Variants in CORIN observed in about 807,000 individuals in gnomAD.
The protein encoded by CORIN is atrial natriuretic peptide-converting enzyme.
Under a neutral mutation model 125.3 loss-of-function variants are expected in CORIN, and 117 were observed. The ratio of observed to expected loss-of-function variants is 0.93; its 90% CI spans 0.80 to 1.09. The LOEUF is 1.09. CORIN is among the 50% of genes least tolerant of loss of function. The pLI, the probability that CORIN is intolerant of heterozygous loss-of-function variation, is 0.00. For missense variants in CORIN, 1,253 were observed against 1,306.7 expected, an observed-to-expected ratio of 0.96 and a Z score of 0.63; for synonymous variants, 450 against 466.4, an observed-to-expected ratio of 0.96 and a Z score of 0.45.
intron 2 of CORIN, among the ~76,000 whole-genome samples, chr4:47,797,219 T>C (rs1332269849): frequency 6.7e-6 from 1 of 148,234 alleles, no homozygotes; most frequent in African/African-American, 2.4e-5. Context: ...ATATATAATA[T>C]AATATATAAT....
chr4:47,789,863 AC>A (rs1299988267), intron 2 of CORIN, among the ~76,000 whole-genome samples: 12 of 152,190 alleles, frequency 7.9e-5, no homozygotes, highest in Admixed American at 7.9e-4. Context: ...TACTAAAAAT[AC>A]AAAAAAAATT....
chr4:47,836,900 T>C (rs1432743817), intron 1 of CORIN, among the ~76,000 whole-genome samples: 1 of 152,196 alleles, frequency 6.6e-6, no homozygotes. Context: ...TGCCTGCAGC[T>C]AGCGTCACCG....
At chr4:47,813,372 C>T (rs1334702365) in intron 1 of CORIN, among the ~76,000 whole-genome samples, 1 of 152,140 alleles carries the variant, frequency 6.6e-6, no homozygotes. Context: ...AATTTAAAAA[C>T]AAACAAAACA....
At chr4:47,605,132 C>A (rs1240689698) in intron 19 of CORIN, among the ~76,000 whole-genome samples, 2 of 152,124 alleles carry the variant, frequency 1.3e-5, no homozygotes, top group Non-Finnish European at 2.9e-5. Context: ...AGAGCTGTTT[C>A]CCCAGCCAAC....
intron 2 of CORIN, among the ~76,000 whole-genome samples, chr4:47,805,148 A>AAG (rs1553919340): frequency 7.7e-6 from 1 of 129,166 alleles, no homozygotes; most frequent in African/African-American, 2.9e-5. Flanking sequence ...AAAAAAAAAA[A>AAG]AATAATAATA....
intron 6 of CORIN, among the ~76,000 whole-genome samples, chr4:47,686,750 G>A (rs542571045): frequency 6.6e-6 from 1 of 152,288 alleles, no homozygotes; most frequent in South Asian, 2.1e-4. Context: ...TCAGTGCAAA[G>A]TATACGCATG....
At chr4:47,826,564 C>T (rs1446970367) in intron 1 of CORIN, among the ~76,000 whole-genome samples, 1 of 152,174 alleles carries the variant, frequency 6.6e-6, no homozygotes, top group Non-Finnish European at 1.5e-5. Flanking sequence ...CACATTTCTC[C>T]TCCCATCTCT....
chr4:47,822,745 C>T (rs1284404093), intron 1 of CORIN, among the ~76,000 whole-genome samples: 1 of 152,122 alleles, frequency 6.6e-6, no homozygotes, highest in East Asian at 1.9e-4. Flanking sequence ...GGTCAAGCCT[C>T]CCCATTGTAA....
Position 47,653,560 on chromosome 4 carries a change from T to C in CORIN, c.1836A>G (p.Glu612=). ...ACCATTGCACATACATACCACAGTT[T>C]TCCTCATCACTGTCATCGTCACAGT... ...QADCDDDSDE[E]NCGCKERDLW... is the part of the protein sequence containing the mutation. The change falls in exon 13 of 22, where the codon GAA becomes GAG. Residue 612 remains glutamate, a synonymous_variant. Coordinates refer to ENST00000273857, the MANE Select transcript of CORIN (RefSeq NM_006587.4). 1 of 1,612,996 alleles carries C rather than the reference T, an allele frequency of 6.2e-7. No individual in the cohort carries two copies. The highest frequency in any genetic ancestry group is 8.5e-7 in the Non-Finnish European group (1 of 1,178,934).
chr4:47,692,969 C>G lies in CORIN; in HGVS notation c.913+1G>C. On this transcript the variant is annotated splice_donor_variant, in intron 6 of 21. Transcript: ENST00000273857. LOFTEE classifies it high-confidence loss of function. ...CAAACCCTAAACAGCTTGTCACATACTGCAATGAGCCTCGTCACTCCAGTC... is the reference window on the plus strand; with the variant it reads ...CAAACCCTAAACAGCTTGTCACATAGTGCAATGAGCCTCGTCACTCCAGTC... The G allele has an allele frequency of 6.2e-7, 1 of 1,609,202 alleles. No individual in the cohort carries two copies. The highest frequency in any genetic ancestry group is 8.5e-7 in the Non-Finnish European group (1 of 1,175,610).
intron 3 of CORIN, among the ~76,000 whole-genome samples, chr4:47,775,325 C>T (rs1730245944): frequency 6.6e-6 from 1 of 151,662 alleles, no homozygotes; most frequent in South Asian, 2.1e-4. Context: ...CCCATTAATT[C>T]TTCATTTACA....
chr4:47,753,598 G>A (rs956209777), intron 4 of CORIN, among the ~76,000 whole-genome samples: 32 of 152,072 alleles, frequency 2.1e-4, no homozygotes, highest in Non-Finnish European at 4.7e-4. Flanking sequence ...ATTCCTTGCT[G>A]GGAAAAGAAT....
intron 10 of CORIN, 137 bp downstream of exon 10, chr4:47,674,256 C>G: frequency 1.5e-6 from 1 of 645,182 alleles, no homozygotes; most frequent in Non-Finnish European, 2.7e-6. Context: ...CCACATGCGA[C>G]CTTTTAAAAA....
At chr4:47,697,139 T>G (rs1380316336) in intron 5 of CORIN, among the ~76,000 whole-genome samples, 8 of 152,176 alleles carry the variant, frequency 5.3e-5, no homozygotes, top group Non-Finnish European at 1.0e-4. Flanking sequence ...GTTATGTCAT[T>G]AGATGAAAAA....
intron 4 of CORIN, among the ~76,000 whole-genome samples, chr4:47,745,714 G>A (rs928448228): frequency 2.0e-5 from 3 of 152,176 alleles, no homozygotes; most frequent in African/African-American, 7.2e-5. Context: ...GATCCAACAA[G>A]CACATTTACA....
intron 5 of CORIN, among the ~76,000 whole-genome samples, chr4:47,712,955 G>A (rs990692479): frequency 2.6e-5 from 4 of 152,146 alleles, no homozygotes; most frequent in African/African-American, 4.8e-5. Context: ...AGGTTTCCCC[G>A]AAAGACAATA....
chr4:47,798,807 G>GC (rs1274196166), intron 2 of CORIN, among the ~76,000 whole-genome samples: 4 of 152,062 alleles, frequency 2.6e-5, no homozygotes, highest in African/African-American at 9.7e-5. Context: ...CAAGTAATGA[G>GC]CATAGTAGCC....
chr4:47,724,790 T>A lies in CORIN; in HGVS notation c.799+19612A>T, dbSNP rs893120845. 3.3e-5 allele frequency among the ~76,000 whole-genome samples: 5 copies of A among 152,206 alleles called. No homozygotes were observed. The East Asian group carries it at 9.6e-4, about 29-fold the overall frequency. On this transcript the variant is annotated intron_variant, in intron 5 of 21. Coordinates refer to ENST00000273857, the MANE Select transcript of CORIN (RefSeq NM_006587.4). Reference sequence around the variant, plus strand: ...TAATAAAAACTCCTAGAAAATGAGATTTAGTTTATGGGATTACCTGATTAG... The same window carrying A: ...TAATAAAAACTCCTAGAAAATGAGAATTAGTTTATGGGATTACCTGATTAG...
chr4:47,642,945 C>T, intron 15 of CORIN: 1 of 1,534,098 alleles, frequency 6.5e-7, no homozygotes, highest in East Asian at 2.4e-5. Flanking sequence ...ATAGATATTT[C>T]AAATAGAGAA....
Sources: gnomAD v4.1 joint callset for allele counts (sites outside exome capture counted in the v4.1 genomes callset) on GRCh38, gnomAD v4.1.1 for gene constraint, MANE v1.5 for transcripts, NCBI Gene and HGNC (gene_info 2026-07-23, HGNC 2026-07-21) for gene names.